The following PIK3C2A variants were observed in gnomAD, a reference collection of about 807,000 sequenced individuals.
PIK3C2A encodes the protein phosphatidylinositol 4-phosphate 3-kinase C2 domain-containing subunit alpha.
In PIK3C2A, 97 loss-of-function variants were observed where a neutral mutation model predicts 204.5. That is an observed-to-expected ratio of 0.47 (90% CI 0.40 to 0.56). PIK3C2A has a LOEUF of 0.56. Ranked by LOEUF, PIK3C2A falls within the 20% of genes least tolerant of loss-of-function variation. PIK3C2A has a pLI of 0.00. For synonymous variants in PIK3C2A, 653 were observed against 664.4 expected (o/e 0.98, Z 0.26); for missense variants, 1,735 against 1,969.2 (o/e 0.88, Z 2.25).
intron 1 of PIK3C2A, among the ~76,000 whole-genome samples, chr11:17,181,937 T>C (rs894122222): frequency 2.0e-5 from 3 of 150,710 alleles, no homozygotes; most frequent in Non-Finnish European, 4.4e-5. Context: ...ACTAAAAATA[T>C]AAAAAATCAG....
intron 13 of PIK3C2A, among the ~76,000 whole-genome samples, chr11:17,126,828 C>T (rs1231286168): frequency 6.6e-6 from 1 of 152,140 alleles, no homozygotes; most frequent in Non-Finnish European, 1.5e-5. Context: ...ACTTGATAGT[C>T]TCTTGAATTA....
chr11:17,148,843 G>T, intron 4 of PIK3C2A, 56 bp from the exon 5 acceptor site: 5 of 1,415,332 alleles, frequency 3.5e-6, no homozygotes, highest in Admixed American at 1.8e-5. Context: ...ATTCAAGACT[G>T]TATTACTTAT....
chr11:17,170,263 C>G (rs1851114898), intron 1 of PIK3C2A, among the ~76,000 whole-genome samples: 1 of 152,060 alleles, frequency 6.6e-6, no homozygotes, highest in South Asian at 2.1e-4. Context: ...AGCCAATTAG[C>G]AATAAAAACA....
At chr11:17,150,697 A>C (rs895918672) in intron 3 of PIK3C2A, 42 bp from the exon 4 acceptor site, 2 of 1,477,416 alleles carry the variant, frequency 1.4e-6, no homozygotes, top group African/African-American at 2.9e-5. Context: ...TTTTAAAAAA[A>C]CTTCATTTGA....
chr11:17,116,290 G>GTGCTCAA (rs1849187710), intron 19 of PIK3C2A, among the ~76,000 whole-genome samples: 1 of 152,134 alleles, frequency 6.6e-6, no homozygotes, highest in African/African-American at 2.4e-5. Context: ...ATATGAGAAT[G>GTGCTCAA]TGCTCAATAT....
In PIK3C2A at chr11:17,169,102, T is replaced by C. The variant is rs139351396; in HGVS notation, c.640A>G (p.Ile214Val). ...TCAGTACTGACTACTGGACGATAGA[T>C]AGGTAAGCTTCCTTGTGGATGAAAG... ...TPFHPQGSLP[I>V]YRPVVSTDMA... Residue 214 changes from isoleucine (I) to valine (V), a missense_variant, in exon 2 of 33, where the codon ATC becomes GTC. Coordinates refer to ENST00000691414, the MANE Select transcript of PIK3C2A (RefSeq NM_002645.4). The C allele has an allele frequency of 4.9e-4, 784 of 1,614,098 alleles. 1 individual carries two copies. Among genetic ancestry groups the C allele is most frequent in the Non-Finnish European group, 6.3e-4 (748 of 1,180,040 alleles).
intron 1 of PIK3C2A, among the ~76,000 whole-genome samples, chr11:17,178,383 AG>A (rs983519868): frequency 2.0e-5 from 3 of 152,208 alleles, no homozygotes; most frequent in African/African-American, 7.2e-5. Flanking sequence ...AGAGAGAAAC[AG>A]GAACAAAAAA....
chr11:17,094,686 AC>A (rs1848403062), intron 27 of PIK3C2A, among the ~76,000 whole-genome samples: 1 of 152,116 alleles, frequency 6.6e-6, no homozygotes, highest in South Asian at 2.1e-4. Context: ...ATGGCACTGT[AC>A]TCCAGCCTGG....
At chr11:17,100,040 G>T (rs1156735023) in intron 25 of PIK3C2A, 71 bp from the exon 26 acceptor site, 2 of 751,108 alleles carry the variant, frequency 2.7e-6, no homozygotes, top group African/African-American at 1.7e-5. Flanking sequence ...CTTCCTGTGG[G>T]CTGCTCAAGT....
At chr11:17,139,592 T>C (rs1328283404) in intron 8 of PIK3C2A, among the ~76,000 whole-genome samples, 1 of 152,218 alleles carries the variant, frequency 6.6e-6, no homozygotes, top group Non-Finnish European at 1.5e-5. Context: ...TACATCTTAC[T>C]ACCGACATGG....
chr11:17,102,693 C>T lies in PIK3C2A; in HGVS notation c.3820G>A (p.Gly1274Arg), dbSNP rs367823609. 6.2e-7 allele frequency: 1 copy of T among 1,613,324 alleles called. No homozygotes were observed. The highest frequency in any genetic ancestry group is 8.5e-7 in the Non-Finnish European group (1 of 1,179,676). Residue 1274 changes from glycine to arginine, a missense_variant, in exon 24 of 33, where the codon GGA becomes AGA. This residue lies in a region of PIK3C2A where 503 missense variants were observed against 669.0 expected (regional missense o/e 0.75). Coordinates refer to ENST00000691414, the MANE Select transcript of PIK3C2A (RefSeq NM_002645.4). ...AAGCTGCCAAACATCTGTGCATGTC[C>T]CAAAAACTTTCCAAAGTCAATGTGA... is the stretch of plus-strand genomic sequence containing the variant. ...MFHIDFGKFL[G>R]HAQMFGSFKR...
At chr11:17,156,206 C>T (rs1463409164) in intron 2 of PIK3C2A, among the ~76,000 whole-genome samples, 1 of 152,158 alleles carries the variant, frequency 6.6e-6, no homozygotes, top group Non-Finnish European at 1.5e-5. Flanking sequence ...AGCCAAACAG[C>T]AGAGTCCATT....
intron 22 of PIK3C2A, 58 bp downstream of exon 22, chr11:17,110,374 A>G: frequency 1.5e-6 from 2 of 1,360,140 alleles, no homozygotes; most frequent in African/African-American, 1.5e-5. Flanking sequence ...CGGCAGGTAC[A>G]CTTTAAGCTA....
At chr11:17,177,375 T>C (rs1469166611) in intron 1 of PIK3C2A, among the ~76,000 whole-genome samples, 1 of 152,224 alleles carries the variant, frequency 6.6e-6, no homozygotes, top group African/African-American at 2.4e-5. Context: ...TGCAGTTGAA[T>C]GAATGGATCA....
At position 17,113,065 on chromosome 11, in the gene PIK3C2A, G is replaced by A. The variant is rs1016561901; in HGVS notation, c.3322-399C>T. 9.2e-5 allele frequency among the ~76,000 whole-genome samples: 14 copies of A among 151,992 alleles called. 1 individual carries two copies. Among genetic ancestry groups the A allele is most frequent in the African/African-American group, 3.4e-4 (14 of 41,306 alleles). On this transcript the variant is annotated intron_variant, in intron 20 of 32. Coordinates refer to ENST00000691414, the MANE Select transcript of PIK3C2A (RefSeq NM_002645.4). ...TTGCTCTTGTTGCCCAGGCTGGACT[G>A]CAATGGTGCAATCTCAGCTCACTGC...
In PIK3C2A at chr11:17,131,419, A is replaced by T. The variant is rs1166030067; in HGVS notation, c.2231+497T>A. On this transcript the variant is annotated intron_variant, in intron 12 of 32. Coordinates refer to ENST00000691414, the MANE Select transcript of PIK3C2A (RefSeq NM_002645.4). ...ATATAAAGGCTTAAAAGGGTATTTC[A>T]TTTTTTTTTTTTTTTTTTTTGAGAT... is the stretch of plus-strand genomic sequence containing the variant. 2.7e-3 allele frequency among the ~76,000 whole-genome samples: 211 copies of T among 79,510 alleles called. 2 individuals carry two copies. Among genetic ancestry groups the T allele is most frequent in the African/African-American group, 8.1e-3 (194 of 24,032 alleles). The allele number at this position is 79,510 out of a possible 152,430, so 52.2% of individuals were successfully genotyped here.
intron 22 of PIK3C2A, among the ~76,000 whole-genome samples, chr11:17,108,046 A>AT (rs1274440244): frequency 3.3e-5 from 5 of 152,004 alleles, no homozygotes; most frequent in Non-Finnish European, 7.4e-5. Flanking sequence ...AATTTTTTGT[A>AT]TTTTTAGTAG....
In PIK3C2A at chr11:17,087,312, A is replaced by G. The variant is rs1180376873; in HGVS notation, c.*2426T>C. ...AAATTTATTGATAGTAGTAGTGCAA[A>G]GAGGCTCCACTCTACTTTTTGGTAC... On this transcript the variant is annotated 3_prime_UTR_variant, in exon 33 of 33. Transcript: ENST00000691414. 2 of 141,226 alleles carry G rather than the reference A, an allele frequency of 1.4e-5. No homozygotes were observed. Among genetic ancestry groups the G allele is most frequent in the African/African-American group, 2.4e-5 (1 of 41,226 alleles). 8.7% of individuals were successfully genotyped at this position (141,226 alleles called of 1,614,324 possible). A position where few individuals can be genotyped will look rare whatever the true frequency, so the allele number is the denominator to read the frequency against.
chr11:17,155,089 C>G (rs995967595), intron 3 of PIK3C2A, among the ~76,000 whole-genome samples: 1 of 152,184 alleles, frequency 6.6e-6, no homozygotes, highest in Non-Finnish European at 1.5e-5. Context: ...AGAGAACATT[C>G]TATAAATGTG....
Sources: gnomAD v4.1 joint callset for allele counts (sites outside exome capture counted in the v4.1 genomes callset) on GRCh38, gnomAD v4.1.1 for gene constraint, gnomAD v4.1.1 regional missense constraint, MANE v1.5 for transcripts, NCBI Gene and HGNC (gene_info 2026-07-23, HGNC 2026-07-21) for gene names.